ALK: variants seen among roughly 807,000 people sequenced by gnomAD.
The protein encoded by ALK is ALK tyrosine kinase receptor.
Under a neutral mutation model 163.1 loss-of-function variants are expected in ALK, and 74 were observed. The observed-to-expected ratio is 0.45, with a 90% CI of 0.38 to 0.55. The LOEUF (loss-of-function observed/expected upper bound fraction) is 0.55. Among genes scored for constraint, ALK ranks in the 20% least tolerant of loss-of-function variants. ALK has a pLI of 0.00. For missense variants in ALK, 2,063 were observed against 2,105.3 expected (o/e 0.98, Z 0.39); for synonymous variants, 960 against 843.2 (o/e 1.14, Z -2.40).
intron 8 of ALK, among the ~76,000 whole-genome samples, chr2:29,309,155 A>G (rs1666627197): frequency 6.6e-6 from 1 of 152,134 alleles, no homozygotes; most frequent in Non-Finnish European, 1.5e-5. Context: ...ACACCACTGG[A>G]AAAAGTAGAT....
intron 4 of ALK, among the ~76,000 whole-genome samples, chr2:29,519,897 A>C (rs1413575322): frequency 6.6e-6 from 1 of 152,228 alleles, no homozygotes; most frequent in African/African-American, 2.4e-5. Context: ...AATATTTAGG[A>C]AACAGTTGGA....
intron 1 of ALK, among the ~76,000 whole-genome samples, chr2:29,893,376 T>C (rs796385576): frequency 3.9e-5 from 6 of 152,342 alleles, no homozygotes; most frequent in Admixed American, 2.0e-4. Flanking sequence ...AATATCATTT[T>C]ATATGTTCAC....
At chr2:29,271,789 C>T (rs754103809) in intron 11 of ALK, among the ~76,000 whole-genome samples, 6 of 152,146 alleles carry the variant, frequency 3.9e-5, no homozygotes, top group Admixed American at 1.3e-4. Context: ...CCCCCTTTGG[C>T]GAGAGATGTG....
intron 4 of ALK, among the ~76,000 whole-genome samples, chr2:29,436,412 G>T (rs962401399): frequency 1.3e-5 from 2 of 152,052 alleles, no homozygotes; most frequent in Non-Finnish European, 2.9e-5. Flanking sequence ...ATTCCCCAGG[G>T]GACTGGTTTT....
chr2:29,826,838 G>A (rs966360445), intron 1 of ALK, among the ~76,000 whole-genome samples: 3 of 152,182 alleles, frequency 2.0e-5, no homozygotes, highest in African/African-American at 4.8e-5. Context: ...AAATTGGAGG[G>A]GCACTCAAAA....
intron 4 of ALK, among the ~76,000 whole-genome samples, chr2:29,422,977 T>C (rs1361872976): frequency 1.3e-5 from 2 of 151,858 alleles, no homozygotes; most frequent in Non-Finnish European, 2.9e-5. Context: ...CCTGGAAATG[T>C]CATCAACAAT....
At chr2:29,536,511 C>G (rs4665466) in intron 3 of ALK, among the ~76,000 whole-genome samples, 1 of 152,094 alleles carries the variant, frequency 6.6e-6, no homozygotes, top group East Asian at 1.9e-4. Flanking sequence ...CCAATTAAAT[C>G]TCTTTTCTTT....
chr2:29,255,032 G>T (rs1242530405), intron 11 of ALK, among the ~76,000 whole-genome samples: 2 of 152,176 alleles, frequency 1.3e-5, no homozygotes, highest in South Asian at 4.1e-4. Context: ...GCCATCCTGT[G>T]TCAGACCCAT....
chr2:29,463,801 G>A (rs967889468), intron 4 of ALK, among the ~76,000 whole-genome samples: 1 of 152,122 alleles, frequency 6.6e-6, no homozygotes, highest in African/African-American at 2.4e-5. Context: ...GCATGCATGA[G>A]GGAAAACTAC....
At chr2:29,456,117 C>T (rs931587070) in intron 4 of ALK, among the ~76,000 whole-genome samples, 1 of 152,120 alleles carries the variant, frequency 6.6e-6, no homozygotes, top group African/African-American at 2.4e-5. Context: ...TGCATTGCTG[C>T]TGGGAATGTA....
chr2:29,297,564 G>C (rs1164626304), intron 8 of ALK, among the ~76,000 whole-genome samples: 2 of 152,198 alleles, frequency 1.3e-5, no homozygotes. Flanking sequence ...TCACATGTCA[G>C]CTAACTAAAG....
intron 4 of ALK, among the ~76,000 whole-genome samples, chr2:29,457,175 C>T (rs531866474): frequency 5.9e-5 from 9 of 152,240 alleles, no homozygotes; most frequent in Non-Finnish European, 1.2e-4. Flanking sequence ...GAGTATCCTT[C>T]CTTACCTACT....
chr2:29,377,891 T>G (rs1668797402), intron 5 of ALK, among the ~76,000 whole-genome samples: 1 of 152,210 alleles, frequency 6.6e-6, no homozygotes, highest in South Asian at 2.1e-4. Flanking sequence ...ACATCCTCTC[T>G]AATGAATGAA....
At chr2:29,400,066 C>T (rs1290397744) in intron 4 of ALK, among the ~76,000 whole-genome samples, 1 of 152,176 alleles carries the variant, frequency 6.6e-6, no homozygotes, top group Admixed American at 6.5e-5. Flanking sequence ...TGTTTGTGGG[C>T]ATGGGCTCGG....
chr2:29,570,537 T>A (rs1401258350), intron 3 of ALK, among the ~76,000 whole-genome samples: 1 of 152,204 alleles, frequency 6.6e-6, no homozygotes, highest in Non-Finnish European at 1.5e-5. Context: ...TCAAACAGCC[T>A]GAGACACAGG....
rs1670458426 is a variant in ALK at position 29,438,491 on chromosome 2, A to C, written c.1155-54632T>G. ...ACCTGGAATATCTTTCAGAAGCATC[A>C]ATTTTAATCAAATTATTTTGAGAAG... On this transcript the variant is annotated intron_variant, in intron 4 of 28. Coordinates refer to ENST00000389048, the MANE Select transcript of ALK (RefSeq NM_004304.5). Among the ~76,000 whole-genome samples, 5 of 152,250 alleles carry C rather than the reference A, an allele frequency of 3.3e-5. No individual in the cohort carries two copies. The South Asian group carries it at 1.0e-3, about 32-fold the overall frequency.
chr2:29,265,729 T>C (rs1665205328), intron 11 of ALK, among the ~76,000 whole-genome samples: 1 of 152,212 alleles, frequency 6.6e-6, no homozygotes, highest in Admixed American at 6.5e-5. Context: ...GGCTCATGCC[T>C]GTAATCTCAG....
At chr2:29,625,998 T>C (rs1018069192) in intron 3 of ALK, among the ~76,000 whole-genome samples, 4 of 152,148 alleles carry the variant, frequency 2.6e-5, no homozygotes, top group African/African-American at 9.7e-5. Flanking sequence ...GAGAGCAAGA[T>C]AGATGATGGT....
chr2:29,907,654 C>T lies in ALK; in HGVS notation c.667+12339G>A, dbSNP rs527934837. Among the ~76,000 whole-genome samples, 10 of 152,226 alleles carry T rather than the reference C, an allele frequency of 6.6e-5. No homozygotes were observed. The East Asian group carries it at 1.9e-3, about 29-fold the overall frequency. ...GAACTTTCCTAAATCTAAGCTGTGA[C>T]CTTCCTTCTTTCCTCTCTCTACGTC... On this transcript the variant is annotated intron_variant, in intron 1 of 28. Coordinates refer to ENST00000389048, the MANE Select transcript of ALK (RefSeq NM_004304.5).
Sources: allele counts gnomAD v4.1 joint callset (sites outside exome capture counted in the v4.1 genomes callset), GRCh38; gene constraint gnomAD v4.1.1; transcripts MANE v1.5; gene names NCBI Gene and HGNC (gene_info 2026-07-23, HGNC 2026-07-21).